The following LRRC4C variants were observed in gnomAD, a reference collection of about 807,000 sequenced individuals.
LRRC4C encodes leucine rich repeat containing 4C.
LRRC4C carries 5 observed loss-of-function variants against 33.6 expected under a neutral mutation model. The ratio of observed to expected loss-of-function variants is 0.15; its 90% CI spans 0.08 to 0.31. The LOEUF (loss-of-function observed/expected upper bound fraction) is 0.31, where lower values mean the gene tolerates loss of function less well. Among genes scored for constraint, LRRC4C ranks in the 10% least tolerant of loss-of-function variants. The probability of loss-of-function intolerance (pLI) is 1.00; values close to 1 mark genes in which losing one functional copy is unlikely to be tolerated. For missense variants in LRRC4C, 560 were observed against 796.7 expected (o/e 0.70, Z 3.58); for synonymous variants, 329 against 302.0 (o/e 1.09, Z -0.93).
intron 2 of LRRC4C, among the ~76,000 whole-genome samples, chr11:40,873,805 G>A (rs541304977): frequency 6.6e-6 from 1 of 151,950 alleles, no homozygotes; most frequent in Admixed American, 6.6e-5. Context: ...TAACTTTTCT[G>A]CCTTCTTTGA....
chr11:40,706,173 G>A (rs1380721331), intron 2 of LRRC4C, among the ~76,000 whole-genome samples: 1 of 152,136 alleles, frequency 6.6e-6, no homozygotes, highest in African/African-American at 2.4e-5. Context: ...TGTTCACTCT[G>A]ATGGTGGTTT....
At chr11:40,195,175 A>C (rs1163435092) in intron 5 of LRRC4C, among the ~76,000 whole-genome samples, 3 of 152,190 alleles carry the variant, frequency 2.0e-5, no homozygotes, top group Non-Finnish European at 4.4e-5. Context: ...CACTGACTAT[A>C]AGGAGAAAAT....
chr11:40,420,716 T>C (rs1338352662), intron 3 of LRRC4C, among the ~76,000 whole-genome samples: 1 of 152,172 alleles, frequency 6.6e-6, no homozygotes, highest in East Asian at 1.9e-4. Context: ...ACTTTATAGA[T>C]ATAGAAACTA....
At chr11:41,093,794 A>T (rs986931001) in intron 1 of LRRC4C, among the ~76,000 whole-genome samples, 1 of 152,068 alleles carries the variant, frequency 6.6e-6, no homozygotes, top group East Asian at 1.9e-4. Flanking sequence ...CTTTGGGGAT[A>T]AAAAAGTAAC....
At chr11:41,236,144 T>C (rs1230159257) in intron 1 of LRRC4C, among the ~76,000 whole-genome samples, 1 of 152,108 alleles carries the variant, frequency 6.6e-6, no homozygotes, top group Non-Finnish European at 1.5e-5. Context: ...TACTACCTTC[T>C]TCCTGAAACA....
intron 3 of LRRC4C, among the ~76,000 whole-genome samples, chr11:40,430,121 A>G (rs150665449): frequency 9.2e-5 from 14 of 152,146 alleles, no homozygotes; most frequent in African/African-American, 3.4e-4. Context: ...CTGTGCTTTT[A>G]TTGGGCTTTA....
At chr11:41,085,507 T>C (rs531304454) in intron 1 of LRRC4C, among the ~76,000 whole-genome samples, 47 of 152,250 alleles carry the variant, frequency 3.1e-4, no homozygotes, top group African/African-American at 1.1e-3. Flanking sequence ...ATTTATAAAA[T>C]ATTAATAATA....
intron 3 of LRRC4C, among the ~76,000 whole-genome samples, chr11:40,389,966 T>G (rs540568497): frequency 6.6e-6 from 1 of 152,170 alleles, no homozygotes; most frequent in African/African-American, 2.4e-5. Flanking sequence ...TCACCCCTAG[T>G]GCAGTATTCT....
chr11:40,695,478 C>A (rs1338926829), intron 2 of LRRC4C, among the ~76,000 whole-genome samples: 2 of 152,100 alleles, frequency 1.3e-5, no homozygotes, highest in East Asian at 1.9e-4. Flanking sequence ...AAAGGAACAG[C>A]TCTATTTTCA....
At chr11:40,326,830 A>T (rs1173757922) in intron 3 of LRRC4C, among the ~76,000 whole-genome samples, 1 of 152,190 alleles carries the variant, frequency 6.6e-6, no homozygotes, top group Non-Finnish European at 1.5e-5. Flanking sequence ...TGAGTTTTTT[A>T]AAGATGATAA....
intron 2 of LRRC4C, among the ~76,000 whole-genome samples, chr11:40,692,382 CAT>C (rs1219693383): frequency 2.6e-5 from 4 of 151,998 alleles, no homozygotes; most frequent in Non-Finnish European, 5.9e-5. Flanking sequence ...TCTTTCAACA[CAT>C]AGAGAGGCAT....
chr11:40,559,070 G>C (rs1957442491), intron 3 of LRRC4C, among the ~76,000 whole-genome samples: 1 of 151,886 alleles, frequency 6.6e-6, no homozygotes, highest in South Asian at 2.1e-4. Context: ...GTATTCCATG[G>C]TTTATATGTA....
intron 2 of LRRC4C, among the ~76,000 whole-genome samples, chr11:40,884,056 C>T (rs1318385966): frequency 6.6e-6 from 1 of 151,944 alleles, no homozygotes; most frequent in East Asian, 1.9e-4. Flanking sequence ...TAATGCTCTC[C>T]CTCTCCTTTC....
intron 1 of LRRC4C, among the ~76,000 whole-genome samples, chr11:41,209,031 G>A (rs1456721908): frequency 6.6e-6 from 1 of 151,498 alleles, no homozygotes; most frequent in South Asian, 2.1e-4. Context: ...AGACATAGGG[G>A]CCTATTTGAA....
chr11:40,316,547 G>A (rs1945582345), intron 4 of LRRC4C, among the ~76,000 whole-genome samples: 1 of 151,932 alleles, frequency 6.6e-6, no homozygotes, highest in Admixed American at 6.6e-5. Context: ...AAATCTGCAT[G>A]ACAATGCTTA....
chr11:41,246,508 A>G (rs1380963558), intron 1 of LRRC4C, among the ~76,000 whole-genome samples: 4 of 152,278 alleles, frequency 2.6e-5, no homozygotes, highest in African/African-American at 9.6e-5. Context: ...AGCTGAGCTC[A>G]GAAGAATGGT....
chr11:41,205,507 CA>C (rs1946564673), intron 1 of LRRC4C, among the ~76,000 whole-genome samples: 1 of 152,100 alleles, frequency 6.6e-6, no homozygotes, highest in Non-Finnish European at 1.5e-5. Context: ...AATGAGTTAA[CA>C]AAGGCTACCA....
In LRRC4C at chr11:40,176,912, CT is replaced by C. The variant is rs1377780479; in HGVS notation, c.-95-36060del. Among the ~76,000 whole-genome samples the C allele has an allele frequency of 3.8e-5, 5 of 132,330 alleles. No homozygotes were observed. In the East Asian group the frequency reaches 1.1e-3, roughly 29 times the overall value. The allele number at this position is 132,330 out of a possible 152,430, so 86.8% of individuals were successfully genotyped here. ...TTTAATGTAAATCTCCCAGTTTCTA[CT>C]TTTGTTCTGCCAGAGTCTTTTTTTT... On this transcript the variant is annotated intron_variant, in intron 5 of 6. Coordinates refer to ENST00000528697, the MANE Select transcript of LRRC4C (RefSeq NM_001258419.2).
chr11:41,024,985 T>A lies in LRRC4C; in HGVS notation c.-495-91262A>T, dbSNP rs543749020. On this transcript the variant is annotated intron_variant, in intron 1 of 6. Coordinates refer to ENST00000528697, the MANE Select transcript of LRRC4C (RefSeq NM_001258419.2). Reference sequence around the variant, plus strand: ...ATGATCTTTGATCTTATTATTGTAATTGTTTTGGGGTGCCACAAACCAAGC... The same window carrying A: ...ATGATCTTTGATCTTATTATTGTAAATGTTTTGGGGTGCCACAAACCAAGC... Among the ~76,000 whole-genome samples the A allele has an allele frequency of 1.2e-4, 18 of 151,762 alleles. No individual in the cohort carries two copies. In the South Asian group the frequency reaches 3.5e-3, roughly 30 times the overall value.
Sources: allele counts gnomAD v4.1 joint callset (sites outside exome capture counted in the v4.1 genomes callset), GRCh38; gene constraint gnomAD v4.1.1; transcripts MANE v1.5; gene names NCBI Gene and HGNC (gene_info 2026-07-23, HGNC 2026-07-21).